Variants in PTPRM observed in about 807,000 individuals in gnomAD.
The protein encoded by PTPRM is receptor-type tyrosine-protein phosphatase mu.
A neutral mutation model predicts 186.7 loss-of-function variants in PTPRM; 47 were observed. That is an observed-to-expected ratio of 0.25 (90% CI 0.20 to 0.32). PTPRM has a LOEUF of 0.32. Among genes scored for constraint, PTPRM ranks in the 10% least tolerant of loss-of-function variants. The pLI is 1.00. For synonymous variants in PTPRM, 668 were observed against 674.9 expected (o/e 0.99, Z 0.16); for missense variants, 1,494 against 1,865.0 (o/e 0.80, Z 3.66).
At chr18:7,618,300 A>G (rs2143940008) in intron 1 of PTPRM, among the ~76,000 whole-genome samples, 1 of 152,300 alleles carries the variant, frequency 6.6e-6, no homozygotes, top group Admixed American at 6.5e-5. Flanking sequence ...GTTGTAATCA[A>G]CTAAGTTTTC....
intron 7 of PTPRM, among the ~76,000 whole-genome samples, chr18:8,020,065 G>C (rs2085113973): frequency 6.6e-6 from 1 of 152,074 alleles, no homozygotes; most frequent in South Asian, 2.1e-4. Flanking sequence ...GATGATGCCT[G>C]TTAGTATATA....
intron 23 of PTPRM, 118 bp downstream of exon 23, chr18:8,343,638 C>G: frequency 1.4e-6 from 1 of 734,240 alleles, no homozygotes; most frequent in Non-Finnish European, 2.2e-6. Flanking sequence ...ATTAACTACT[C>G]CAGCTCCTCC....
At chr18:8,270,537 A>T (rs1407048257) in intron 19 of PTPRM, 1 of 152,132 alleles carries the variant, frequency 6.6e-6, no homozygotes, top group East Asian at 1.9e-4. Flanking sequence ...GAAGCATCTT[A>T]AAGAGACATC....
intron 7 of PTPRM, among the ~76,000 whole-genome samples, chr18:7,986,656 A>G (rs1435575993): frequency 6.6e-6 from 1 of 152,228 alleles, no homozygotes; most frequent in East Asian, 1.9e-4. Flanking sequence ...ATTGTGAACT[A>G]AAATGGCCTA....
intron 19 of PTPRM, among the ~76,000 whole-genome samples, chr18:8,279,389 C>T (rs1188329239): frequency 6.6e-6 from 1 of 152,182 alleles, no homozygotes; most frequent in Admixed American, 6.5e-5. Flanking sequence ...CTTTTGCTGG[C>T]TCTTTGCAGA....
intron 20 of PTPRM, among the ~76,000 whole-genome samples, chr18:8,297,805 GA>G (rs1246871120): frequency 2.0e-5 from 3 of 152,200 alleles, no homozygotes; most frequent in African/African-American, 7.2e-5. Flanking sequence ...AAGAAAGCCA[GA>G]TCGCCAGTGT....
intron 9 of PTPRM, among the ~76,000 whole-genome samples, chr18:8,085,221 T>C (rs1336646591): frequency 6.6e-6 from 1 of 152,066 alleles, no homozygotes; most frequent in East Asian, 1.9e-4. Flanking sequence ...CTCACCCACA[T>C]TGATGAAAAC....
At chr18:8,055,662 CTTG>C (rs2087871097) in intron 7 of PTPRM, among the ~76,000 whole-genome samples, 1 of 152,080 alleles carries the variant, frequency 6.6e-6, no homozygotes, top group Admixed American at 6.5e-5. Flanking sequence ...GTCAGGGCAT[CTTG>C]TTTTCTGTTA....
chr18:8,344,430 A>ATGTGTGTGTGTG lies in PTPRM; in HGVS notation c.3054+918_3054+929dup, dbSNP rs143895566. 2.2e-3 allele frequency among the ~76,000 whole-genome samples: 240 copies of ATGTGTGTGTGTG among 110,766 alleles called. 1 individual carries two copies. Among genetic ancestry groups the ATGTGTGTGTGTG allele is most frequent in the Middle Eastern group, 5.1e-3 (1 of 198 alleles). 72.7% of individuals were successfully genotyped at this position (110,766 alleles called of 152,430 possible). A position where few individuals can be genotyped will look rare whatever the true frequency, so the allele number is the denominator to read the frequency against. ...CACAATATAAGTAGGAGATATATAT[A>ATGTGTGTGTGTG]TGTGTGTGTGTGTGTGTGTATATAT... On this transcript the variant is annotated intron_variant, in intron 23 of 32. Coordinates refer to ENST00000580170, the MANE Select transcript of PTPRM (RefSeq NM_001105244.2).
At chr18:7,903,363 C>G (rs1357750017) in intron 3 of PTPRM, among the ~76,000 whole-genome samples, 1 of 152,228 alleles carries the variant, frequency 6.6e-6, no homozygotes, top group East Asian at 1.9e-4. Context: ...AGCAGCCACC[C>G]CTCAGCTGTC....
At chr18:8,280,418 G>C (rs970393180) in intron 19 of PTPRM, among the ~76,000 whole-genome samples, 5 of 136,680 alleles carry the variant, frequency 3.7e-5, no homozygotes, top group Admixed American at 1.6e-4. Context: ...GGTGGGGGGG[G>C]GGTCACAATT....
intron 5 of PTPRM, among the ~76,000 whole-genome samples, chr18:7,928,153 T>C (rs1005857535): frequency 6.6e-6 from 1 of 152,144 alleles, no homozygotes; most frequent in African/African-American, 2.4e-5. Context: ...TGGAGAGGCT[T>C]CTTGTTGTTT....
intron 2 of PTPRM, among the ~76,000 whole-genome samples, chr18:7,780,266 A>C (rs1170340434): frequency 7.2e-5 from 11 of 152,184 alleles, no homozygotes; most frequent in African/African-American, 2.7e-4. Context: ...ATTGGGTGGC[A>C]TTATCCTCAT....
At chr18:8,110,410 T>C (rs2091703569) in intron 11 of PTPRM, among the ~76,000 whole-genome samples, 1 of 152,144 alleles carries the variant, frequency 6.6e-6, no homozygotes, top group African/African-American at 2.4e-5. Flanking sequence ...TTCATTGCCT[T>C]GAGGAGAACT....
At chr18:7,828,166 A>G (rs949703439) in intron 2 of PTPRM, among the ~76,000 whole-genome samples, 4 of 152,248 alleles carry the variant, frequency 2.6e-5, no homozygotes, top group African/African-American at 9.6e-5. Flanking sequence ...GTAGAATTAC[A>G]AAGCTTTCAG....
chr18:7,794,925 C>T (rs1457041622), intron 2 of PTPRM, among the ~76,000 whole-genome samples: 1 of 152,174 alleles, frequency 6.6e-6, no homozygotes, highest in African/African-American at 2.4e-5. Context: ...TGTCAGCTCC[C>T]TCCACAGATA....
chr18:7,764,256 G>T (rs1353686567), intron 1 of PTPRM, among the ~76,000 whole-genome samples: 1 of 152,122 alleles, frequency 6.6e-6, no homozygotes, highest in South Asian at 2.1e-4. Flanking sequence ...TGGAAGAAAA[G>T]ATTTGAACTT....
intron 20 of PTPRM, among the ~76,000 whole-genome samples, chr18:8,302,380 C>T (rs2095168618): frequency 6.6e-6 from 1 of 152,046 alleles, no homozygotes; most frequent in African/African-American, 2.4e-5. Context: ...GCTGGAAGGA[C>T]AGGGGTTGGG....
chr18:8,162,835 G>A (rs549239841), intron 14 of PTPRM, among the ~76,000 whole-genome samples: 2 of 152,272 alleles, frequency 1.3e-5, no homozygotes, highest in Non-Finnish European at 2.9e-5. Context: ...CAGTCTCCAG[G>A]GCCCTGAAGT....
Sources: gnomAD v4.1 joint callset for allele counts (sites outside exome capture counted in the v4.1 genomes callset) on GRCh38, gnomAD v4.1.1 for gene constraint, MANE v1.5 for transcripts, NCBI Gene and HGNC (gene_info 2026-07-23, HGNC 2026-07-21) for gene names.